DLG2: variants seen among roughly 807,000 people sequenced by gnomAD.
The protein encoded by DLG2 is discs large MAGUK scaffold protein 2, also known as disks large homolog 2.
DLG2 carries 45 observed loss-of-function variants against 132.5 expected under a neutral mutation model. That is an observed-to-expected ratio of 0.34 (90% CI 0.27 to 0.44). The LOEUF is 0.44. Among genes scored for constraint, DLG2 ranks in the 20% least tolerant of loss-of-function variants. The pLI is 1.00. For missense variants in DLG2, 1,045 were observed against 1,196.9 expected (o/e 0.87, Z 1.87); for synonymous variants, 424 against 419.6 (o/e 1.01, Z -0.13).
At chr11:85,623,416 T>C (rs1312160590) in intron 2 of DLG2, among the ~76,000 whole-genome samples, 1 of 152,124 alleles carries the variant, frequency 6.6e-6, no homozygotes, top group Non-Finnish European at 1.5e-5. Context: ...GCAATTCTCC[T>C]GCGTCAGCCT....
intron 14 of DLG2, among the ~76,000 whole-genome samples, chr11:83,940,780 G>A (rs1565731817): frequency 6.6e-6 from 1 of 152,110 alleles, no homozygotes; most frequent in Non-Finnish European, 1.5e-5. Flanking sequence ...TGTGATCTTG[G>A]GCAGGTTGTT....
At chr11:85,547,922 G>A (rs2076431335) in intron 3 of DLG2, among the ~76,000 whole-genome samples, 1 of 151,964 alleles carries the variant, frequency 6.6e-6, no homozygotes, top group Admixed American at 6.6e-5. Context: ...CCTTGCATTG[G>A]GTTAGAACAT....
intron 7 of DLG2, among the ~76,000 whole-genome samples, chr11:84,255,516 G>C (rs2097454044): frequency 6.6e-6 from 1 of 152,092 alleles, no homozygotes; most frequent in African/African-American, 2.4e-5. Flanking sequence ...TAGAGATGCA[G>C]TTTTGCCAGG....
At chr11:84,169,646 G>A (rs1019006007) in intron 8 of DLG2, among the ~76,000 whole-genome samples, 1 of 152,112 alleles carries the variant, frequency 6.6e-6, no homozygotes, top group African/African-American at 2.4e-5. Flanking sequence ...GCTGAGGCAG[G>A]TGGATCACTC....
chr11:84,971,789 AT>A (rs923688874), intron 6 of DLG2, among the ~76,000 whole-genome samples: 4 of 152,070 alleles, frequency 2.6e-5, no homozygotes, highest in African/African-American at 7.2e-5. Flanking sequence ...CCACTGTTAA[AT>A]TTTTTTCTGT....
intron 6 of DLG2, among the ~76,000 whole-genome samples, chr11:85,039,941 C>T (rs578182430): frequency 6.6e-6 from 1 of 151,832 alleles, no homozygotes; most frequent in Non-Finnish European, 1.5e-5. Context: ...AAGAACTATA[C>T]CTTTGTGAAT....
At chr11:85,505,359 G>T (rs2093905180) in intron 3 of DLG2, among the ~76,000 whole-genome samples, 2 of 152,096 alleles carry the variant, frequency 1.3e-5, no homozygotes, top group Admixed American at 6.6e-5. Flanking sequence ...CTGTGGGTTT[G>T]TCATAAAGAG....
intron 7 of DLG2, among the ~76,000 whole-genome samples, chr11:84,309,875 G>A (rs2098269561): frequency 6.6e-6 from 1 of 152,132 alleles, no homozygotes; most frequent in South Asian, 2.1e-4. Flanking sequence ...ATTTACAATA[G>A]GTGGTTCCCA....
intron 3 of DLG2, among the ~76,000 whole-genome samples, chr11:85,416,627 G>A (rs758592508): frequency 1.3e-5 from 2 of 152,118 alleles, no homozygotes; most frequent in Non-Finnish European, 2.9e-5. Flanking sequence ...TTGAGCAGTG[G>A]TTTGTAGTTC....
chr11:85,144,271 T>A (rs753977077), intron 5 of DLG2, among the ~76,000 whole-genome samples: 2 of 151,788 alleles, frequency 1.3e-5, no homozygotes, highest in Non-Finnish European at 3.0e-5. Flanking sequence ...AGTTTACATT[T>A]GTACAGAATA....
intron 6 of DLG2, among the ~76,000 whole-genome samples, chr11:84,942,350 A>C (rs1335033130): frequency 2.0e-5 from 3 of 151,994 alleles, no homozygotes; most frequent in African/African-American, 7.2e-5. Flanking sequence ...TACTTGTTTA[A>C]TGTAAGAGTT....
chr11:84,862,967 G>T (rs1233951412), intron 6 of DLG2, among the ~76,000 whole-genome samples: 1 of 151,902 alleles, frequency 6.6e-6, no homozygotes, highest in East Asian at 2.0e-4. Flanking sequence ...AGAACTTAAA[G>T]TATAATCTTA....
chr11:85,499,632 G>C (rs1035562610), intron 3 of DLG2, among the ~76,000 whole-genome samples: 2 of 152,054 alleles, frequency 1.3e-5, no homozygotes, highest in African/African-American at 4.8e-5. Context: ...GCCTGGCAGA[G>C]ACACAACAAA....
intron 3 of DLG2, among the ~76,000 whole-genome samples, chr11:85,320,994 T>C (rs1162590871): frequency 6.6e-6 from 1 of 151,660 alleles, no homozygotes; most frequent in Non-Finnish European, 1.5e-5. Flanking sequence ...CCCTCCTTAG[T>C]CTCATGTATG....
At chr11:83,475,126 G>C (rs1283564595) in intron 22 of DLG2, among the ~76,000 whole-genome samples, 1 of 152,130 alleles carries the variant, frequency 6.6e-6, no homozygotes, top group East Asian at 1.9e-4. Flanking sequence ...TGGCAATCAG[G>C]TACTGTGTAA....
At chr11:83,743,155 T>C (rs2092656419) in intron 18 of DLG2, among the ~76,000 whole-genome samples, 1 of 152,196 alleles carries the variant, frequency 6.6e-6, no homozygotes, top group Admixed American at 6.5e-5. Context: ...ATTCATGTTT[T>C]AAAAGGAAGC....
At chr11:84,894,085 A>G (rs1287955322) in intron 6 of DLG2, among the ~76,000 whole-genome samples, 4 of 152,168 alleles carry the variant, frequency 2.6e-5, no homozygotes, top group Non-Finnish European at 5.9e-5. Context: ...TATGTATACA[A>G]TGCCATCCTT....
chr11:84,832,878 C>T (rs2079218787), intron 6 of DLG2, among the ~76,000 whole-genome samples: 1 of 151,488 alleles, frequency 6.6e-6, no homozygotes, highest in Non-Finnish European at 1.5e-5. Flanking sequence ...CTGCTAATAG[C>T]AATTTTGCTC....
At chr11:85,609,132 G>A (rs1181578759) in intron 2 of DLG2, among the ~76,000 whole-genome samples, 5 of 152,160 alleles carry the variant, frequency 3.3e-5, no homozygotes, top group African/African-American at 4.8e-5. Context: ...ATTACTCAAT[G>A]ATGTCCACCA....
Sources: allele counts gnomAD v4.1 joint callset (sites outside exome capture counted in the v4.1 genomes callset), GRCh38; gene constraint gnomAD v4.1.1; transcripts MANE v1.5; gene names NCBI Gene and HGNC (gene_info 2026-07-23, HGNC 2026-07-21).